Variants in MITF observed in about 807,000 individuals in gnomAD.
The protein encoded by MITF is melanocyte inducing transcription factor.
In MITF, 17 loss-of-function variants were observed where a neutral mutation model predicts 60.5. The observed-to-expected ratio is 0.28, with a 90% CI of 0.19 to 0.42. The LOEUF is 0.42. Among genes scored for constraint, MITF ranks in the 10% least tolerant of loss-of-function variants. MITF has a pLI of 1.00. For synonymous variants in MITF, 260 were observed against 248.5 expected (o/e 1.05, Z -0.43); for missense variants, 622 against 683.5 (o/e 0.91, Z 1.00).
chr3:69,740,112 G>C (rs1262770841), intron 1 of MITF, among the ~76,000 whole-genome samples: 1 of 152,198 alleles, frequency 6.6e-6, no homozygotes, highest in African/African-American at 2.4e-5. Context: ...ATCCCAGCGG[G>C]TTGAGGGCTC....
Position 69,866,406 on chromosome 3 carries a change from T to A in MITF, c.105-12728T>A, listed in dbSNP as rs999193160. ...ACCACTTAAGAGGAGCAGTTTTTTT[T>A]CTCTTTAAGGGGGAGGATAAAGGAA... On this transcript the variant is annotated intron_variant, in intron 1 of 9. Coordinates refer to ENST00000352241, the MANE Select transcript of MITF (RefSeq NM_001354604.2). 3 of 1,604,244 alleles carry A rather than the reference T, an allele frequency of 1.9e-6. No individual in the cohort carries two copies. The Admixed American group carries it at 5.1e-5, about 28-fold the overall frequency.
At chr3:69,780,379 G>A (rs1359483312) in intron 1 of MITF, among the ~76,000 whole-genome samples, 2 of 152,188 alleles carry the variant, frequency 1.3e-5, no homozygotes, top group East Asian at 3.8e-4. Context: ...CAAAGAAGAT[G>A]CATGCCAATG....
At position 69,848,595 on chromosome 3, in the gene MITF, C is replaced by G. The variant is rs149530431; in HGVS notation, c.105-30539C>G. On this transcript the variant is annotated intron_variant, in intron 1 of 9. Coordinates refer to ENST00000352241, the MANE Select transcript of MITF (RefSeq NM_001354604.2). ...GAGTAGAATGTTTTGTACCATTTTT[C>G]TCTTTCTGCACGGTAATATCATGCT... 1.2e-3 allele frequency among the ~76,000 whole-genome samples: 181 copies of G among 152,316 alleles called. 8 individuals are homozygous for G. In the East Asian group the frequency reaches 0.03, roughly 25 times the overall value.
chr3:69,912,751 C>T (rs2065251473), intron 2 of MITF, among the ~76,000 whole-genome samples: 1 of 152,088 alleles, frequency 6.6e-6, no homozygotes, highest in African/African-American at 2.4e-5. Flanking sequence ...AGAATATAAA[C>T]AGAATTGCTT....
intron 1 of MITF, among the ~76,000 whole-genome samples, chr3:69,768,768 C>T (rs989775030): frequency 2.0e-5 from 3 of 152,208 alleles, no homozygotes; most frequent in Non-Finnish European, 4.4e-5. Flanking sequence ...CATTCCCTAT[C>T]CAACCCAGAA....
chr3:69,822,193 TG>T (rs1274746821), intron 1 of MITF, among the ~76,000 whole-genome samples: 19 of 152,200 alleles, frequency 1.2e-4, no homozygotes, highest in Non-Finnish European at 2.2e-4. Context: ...CAATTAAGAA[TG>T]ATTTTCACAT....
intron 1 of MITF, among the ~76,000 whole-genome samples, chr3:69,773,554 G>A (rs984772324): frequency 1.3e-5 from 2 of 152,140 alleles, no homozygotes; most frequent in African/African-American, 4.8e-5. Context: ...CTTGTGGGTT[G>A]GATAGTTTTT....
intron 1 of MITF, among the ~76,000 whole-genome samples, chr3:69,749,639 G>A (rs137874896): frequency 2.0e-5 from 3 of 152,230 alleles, no homozygotes; most frequent in Non-Finnish European, 4.4e-5. Flanking sequence ...AATAGCTTAT[G>A]TGAAGCAATA....
At chr3:69,837,508 G>A (rs534062815) in intron 1 of MITF, among the ~76,000 whole-genome samples, 57 of 152,148 alleles carry the variant, frequency 3.7e-4, no homozygotes, top group Non-Finnish European at 5.7e-4. Flanking sequence ...TTTTATAGGT[G>A]ACTTAAATTC....
At chr3:69,782,863 A>T (rs2062588370) in intron 1 of MITF, among the ~76,000 whole-genome samples, 1 of 152,206 alleles carries the variant, frequency 6.6e-6, no homozygotes, top group African/African-American at 2.4e-5. Flanking sequence ...TGCTGAGGGG[A>T]TTATGTTCTA....
At chr3:69,761,474 T>C (rs1176316960) in intron 1 of MITF, among the ~76,000 whole-genome samples, 1 of 152,202 alleles carries the variant, frequency 6.6e-6, no homozygotes, top group African/African-American at 2.4e-5. Flanking sequence ...TTATTCACCA[T>C]GCTGGCAGTG....
intron 2 of MITF, among the ~76,000 whole-genome samples, chr3:69,899,892 G>A (rs2064959364): frequency 6.6e-6 from 1 of 152,112 alleles, no homozygotes; most frequent in African/African-American, 2.4e-5. Flanking sequence ...TCTGAGTGAT[G>A]TCTCTCCTTG....
chr3:69,890,451 A>C (rs984060971), intron 2 of MITF, among the ~76,000 whole-genome samples: 5 of 152,146 alleles, frequency 3.3e-5, no homozygotes, highest in Admixed American at 6.5e-5. Context: ...ATGAGCATTT[A>C]ATCAATGTTC....
chr3:69,833,473 T>G (rs1220042060), intron 1 of MITF, among the ~76,000 whole-genome samples: 3 of 152,206 alleles, frequency 2.0e-5, no homozygotes, highest in African/African-American at 7.2e-5. Context: ...TGTTTTTCTA[T>G]GTACACTGTA....
intron 1 of MITF, among the ~76,000 whole-genome samples, chr3:69,816,052 C>G (rs965044434): frequency 2.0e-5 from 3 of 152,148 alleles, no homozygotes; most frequent in East Asian, 1.9e-4. Flanking sequence ...TTTCCCAGCC[C>G]TTGATGAGCT....
At chr3:69,951,688 G>T in intron 6 of MITF, 124 bp from the exon 7 acceptor site, 4 of 709,600 alleles carry the variant, frequency 5.6e-6, no homozygotes, top group Admixed American at 2.3e-5. Context: ...TTAAAAAAAC[G>T]TATTTTTACT....
chr3:69,804,497 A>G (rs984019245), intron 1 of MITF, among the ~76,000 whole-genome samples: 14 of 152,228 alleles, frequency 9.2e-5, no homozygotes, highest in Admixed American at 3.3e-4. Context: ...TAATTCTTCC[A>G]TGCCCAACAT....
At chr3:69,942,215 C>T (rs1008361694) in intron 5 of MITF, among the ~76,000 whole-genome samples, 6 of 152,050 alleles carry the variant, frequency 3.9e-5, no homozygotes, top group African/African-American at 9.7e-5. Context: ...TATGGAGCTT[C>T]GGATTTGCAA....
intron 2 of MITF, among the ~76,000 whole-genome samples, chr3:69,914,716 G>A (rs1257010426): frequency 6.6e-6 from 1 of 152,120 alleles, no homozygotes; most frequent in East Asian, 1.9e-4. Flanking sequence ...AGTTCTTCAG[G>A]GGGATGGGCT....
Sources: gnomAD v4.1 joint callset for allele counts (sites outside exome capture counted in the v4.1 genomes callset) on GRCh38, gnomAD v4.1.1 for gene constraint, MANE v1.5 for transcripts, NCBI Gene and HGNC (gene_info 2026-07-23, HGNC 2026-07-21) for gene names.